TBL1XR1: variants seen among roughly 807,000 people sequenced by gnomAD.
TBL1XR1 encodes TBL1X/Y related 1.
Under a neutral mutation model 66.9 loss-of-function variants are expected in TBL1XR1, and 5 were observed. That is an observed-to-expected ratio of 0.07 (90% CI 0.04 to 0.16). The LOEUF (loss-of-function observed/expected upper bound fraction) is 0.16, where lower values mean the gene tolerates loss of function less well. Ranked by LOEUF, TBL1XR1 falls within the 10% of genes least tolerant of loss-of-function variation. The pLI, the probability that TBL1XR1 is intolerant of heterozygous loss-of-function variation, is 1.00. For synonymous variants in TBL1XR1, 210 were observed against 206.0 expected, an observed-to-expected ratio of 1.02 and a Z score of -0.17; for missense variants, 238 against 623.2, an observed-to-expected ratio of 0.38 and a Z score of 6.58.
chr3:177,134,025 C>T (rs541185989), intron 1 of TBL1XR1, among the ~76,000 whole-genome samples: 1 of 151,962 alleles, frequency 6.6e-6, no homozygotes, highest in African/African-American at 2.4e-5. Flanking sequence ...TTTTCTTCCC[C>T]GGGCAAAGGA....
chr3:177,062,905 C>T lies in TBL1XR1; in HGVS notation c.58+2015G>A, dbSNP rs142532839. 5.2e-3 allele frequency among the ~76,000 whole-genome samples: 795 copies of T among 152,092 alleles called. 12 individuals are homozygous for T. The highest frequency in any genetic ancestry group is 0.019 in the African/African-American group (768 of 41,478). ...ATCCCAGCACTTTGGGAAGCCAAGG[C>T]GGGCGGATCACCTAAGGTCGGGAGT... is the stretch of plus-strand genomic sequence containing the variant. On this transcript the variant is annotated intron_variant, in intron 3 of 15. Transcript: ENST00000457928.
At chr3:177,125,566 G>T (rs1727514168) in intron 1 of TBL1XR1, among the ~76,000 whole-genome samples, 1 of 152,090 alleles carries the variant, frequency 6.6e-6, no homozygotes, top group Non-Finnish European at 1.5e-5. Context: ...ACTGACAAGT[G>T]TCTTTTTTAT....
chr3:177,066,743 A>G (rs1719215948), intron 2 of TBL1XR1, among the ~76,000 whole-genome samples: 1 of 152,164 alleles, frequency 6.6e-6, no homozygotes. Flanking sequence ...GGTAGACTCA[A>G]TGGTAACTGA....
chr3:177,190,001 C>T lies in TBL1XR1; in HGVS notation c.-122+7120G>A, dbSNP rs374561705. Among the ~76,000 whole-genome samples, 29 of 151,920 alleles carry T rather than the reference C, an allele frequency of 1.9e-4. No individual in the cohort carries two copies. In the East Asian group the frequency reaches 5.4e-3, roughly 28 times the overall value. On this transcript the variant is annotated intron_variant, in intron 1 of 15. Transcript: ENST00000457928. Reference sequence around the variant, plus strand: ...ATAAAGTTCTAGCTGGGCGTGTAAGCGGACACCTGTAATCCCAGCTACTGG... The same window carrying T: ...ATAAAGTTCTAGCTGGGCGTGTAAGTGGACACCTGTAATCCCAGCTACTGG...
At chr3:177,158,819 A>C (rs1289133915) in intron 1 of TBL1XR1, among the ~76,000 whole-genome samples, 1 of 152,094 alleles carries the variant, frequency 6.6e-6, no homozygotes, top group Non-Finnish European at 1.5e-5. Flanking sequence ...CAAGAAATTA[A>C]CCTAACCTCC....
At chr3:177,127,596 C>T (rs1053128217) in intron 1 of TBL1XR1, among the ~76,000 whole-genome samples, 1 of 152,152 alleles carries the variant, frequency 6.6e-6, no homozygotes, top group Non-Finnish European at 1.5e-5. Context: ...GACCTGAGAT[C>T]TATAACAGCT....
upstream of TBL1XR1, among the ~76,000 whole-genome samples, chr3:177,199,978 ATTTTT>A (rs200110139): frequency 2.1e-5 from 3 of 145,940 alleles, no homozygotes; most frequent in African/African-American, 7.5e-5. Flanking sequence ...GCAGGAGTAC[ATTTTT>A]TTTTTTTAGG....
intron 1 of TBL1XR1, among the ~76,000 whole-genome samples, chr3:177,190,294 T>C (rs1184303447): frequency 6.6e-6 from 1 of 152,130 alleles, no homozygotes; most frequent in Non-Finnish European, 1.5e-5. Flanking sequence ...ATTCCAGAAT[T>C]AAAAGGGCAA....
At chr3:177,025,556 T>C (rs1441533830) in intron 15 of TBL1XR1, 32 bp from the exon 16 acceptor site, 1 of 1,603,008 alleles carries the variant, frequency 6.2e-7, no homozygotes, top group Admixed American at 1.7e-5. Flanking sequence ...AACCAGTGTA[T>C]TCAGAATTTT....
Position 177,047,482 on chromosome 3 carries a change from T to C in TBL1XR1, c.766+4A>G. 1 of 1,612,586 alleles carries C rather than the reference T, an allele frequency of 6.2e-7. No individual in the cohort carries two copies. Among genetic ancestry groups the C allele is most frequent in the Non-Finnish European group, 8.5e-7 (1 of 1,179,132 alleles). On this transcript the variant is annotated splice_donor_region_variant and intron_variant, in intron 8 of 15. Transcript: ENST00000457928. ...CAAAGTAAAAAGGAAAATGCTTCAT[T>C]TACCATCTTTAGTCCATATTCTGGC... is the stretch of plus-strand genomic sequence containing the variant.
chr3:177,189,072 G>A (rs1437532313), intron 1 of TBL1XR1, among the ~76,000 whole-genome samples: 3 of 151,958 alleles, frequency 2.0e-5, no homozygotes, highest in Non-Finnish European at 4.4e-5. Flanking sequence ...GCCGGGCATG[G>A]TGGCACGTTC....
Position 177,035,574 on chromosome 3 carries a change from C to A in TBL1XR1, c.1123-1249G>T, listed in dbSNP as rs145362719. 5.1e-3 allele frequency among the ~76,000 whole-genome samples: 772 copies of A among 152,184 alleles called. 12 individuals carry two copies. Among genetic ancestry groups the A allele is most frequent in the African/African-American group, 0.018 (733 of 41,522 alleles). On this transcript the variant is annotated intron_variant, in intron 12 of 15. Transcript: ENST00000457928. ...GATTATAGGCACCTGCCGCCACGCTCGGCTAAATTTGGTATATTTAGCAGA... is the reference window on the plus strand; with the variant it reads ...GATTATAGGCACCTGCCGCCACGCTAGGCTAAATTTGGTATATTTAGCAGA...
chr3:177,084,548 C>CTT (rs1420985399), intron 2 of TBL1XR1, among the ~76,000 whole-genome samples: 1 of 152,226 alleles, frequency 6.6e-6, no homozygotes, highest in Non-Finnish European at 1.5e-5. Context: ...CTTGATAATC[C>CTT]TTTTTCTTGG....
At chr3:177,077,425 T>C (rs1720827283) in intron 2 of TBL1XR1, among the ~76,000 whole-genome samples, 1 of 152,198 alleles carries the variant, frequency 6.6e-6, no homozygotes, top group Non-Finnish European at 1.5e-5. Flanking sequence ...ATGGAGTCCT[T>C]GAGGAAAAGG....
intron 1 of TBL1XR1, among the ~76,000 whole-genome samples, chr3:177,188,496 A>G (rs1324511909): frequency 6.6e-6 from 1 of 152,098 alleles, no homozygotes; most frequent in Non-Finnish European, 1.5e-5. Context: ...GCAGTGAGCC[A>G]AAATTGCGCC....
chr3:177,137,936 C>T (rs1729187143), intron 1 of TBL1XR1, among the ~76,000 whole-genome samples: 1 of 152,214 alleles, frequency 6.6e-6, no homozygotes, highest in Admixed American at 6.5e-5. Flanking sequence ...TACCACTGTA[C>T]TCCAAACTGC....
In TBL1XR1 at chr3:177,062,115, T is replaced by C. The variant is rs115558440; in HGVS notation, c.58+2805A>G. Among the ~76,000 whole-genome samples, 372 of 152,314 alleles carry C rather than the reference T, an allele frequency of 2.4e-3. 5 individuals are homozygous for C. Among genetic ancestry groups the C allele is most frequent in the African/African-American group, 8.6e-3 (357 of 41,574 alleles). On this transcript the variant is annotated intron_variant, in intron 3 of 15. Coordinates refer to ENST00000457928, the MANE Select transcript of TBL1XR1 (RefSeq NM_024665.7). ...CCCTTTAAGACATAAAAACGCCTCA[T>C]TATTTCTGCTATCTCATTATTCCGC...
At chr3:177,138,419 A>AAACC in intron 1 of TBL1XR1, among the ~76,000 whole-genome samples, 1 of 152,164 alleles carries the variant, frequency 6.6e-6, no homozygotes, top group Middle Eastern at 3.4e-3. Context: ...ACATGGTATG[A>AAACC]CTCCATCTCC....
intron 2 of TBL1XR1, among the ~76,000 whole-genome samples, chr3:177,085,854 C>G (rs1489194024): frequency 1.3e-5 from 2 of 152,128 alleles, no homozygotes; most frequent in African/African-American, 4.8e-5. Flanking sequence ...CCACCAAAAA[C>G]TCTCACGATT....
Sources: allele counts gnomAD v4.1 joint callset (sites outside exome capture counted in the v4.1 genomes callset), GRCh38; gene constraint gnomAD v4.1.1; transcripts MANE v1.5; gene names NCBI Gene and HGNC (gene_info 2026-07-23, HGNC 2026-07-21).